The following TENM2 variants were observed in gnomAD, a reference collection of about 807,000 sequenced individuals.
The protein encoded by TENM2 is teneurin-2.
In TENM2, 52 loss-of-function variants were observed where a neutral mutation model predicts 245.2. The observed-to-expected ratio is 0.21, with a 90% CI of 0.17 to 0.27. TENM2 has a LOEUF of 0.27. Ranked by LOEUF, TENM2 falls within the 10% of genes least tolerant of loss-of-function variation. The pLI, the probability that TENM2 is intolerant of heterozygous loss-of-function variation, is 1.00. For missense variants in TENM2, 3,046 were observed against 3,666.8 expected, an observed-to-expected ratio of 0.83 and a Z score of 4.37; for synonymous variants, 1,363 against 1,438.9, an observed-to-expected ratio of 0.95 and a Z score of 1.19.
At chr5:167,235,913 G>C in the TENM2 span, among the ~76,000 whole-genome samples, 1 of 152,182 alleles carries the variant, frequency 6.6e-6, no homozygotes, top group Non-Finnish European at 1.5e-5. Flanking sequence ...GAGCTCGGAA[G>C]AGATCAGATC....
the TENM2 span, among the ~76,000 whole-genome samples, chr5:167,070,138 G>A: frequency 3.4e-5 from 2 of 58,946 alleles, no homozygotes; most frequent in Admixed American, 1.3e-4. Flanking sequence ...TATTTTTTGA[G>A]ACAGAGTCTC....
At chr5:167,120,286 G>C in the TENM2 span, among the ~76,000 whole-genome samples, 1 of 152,068 alleles carries the variant, frequency 6.6e-6, no homozygotes, top group Non-Finnish European at 1.5e-5. Flanking sequence ...TGTGTATGGA[G>C]GAAAAATTAG....
At chr5:168,196,405 G>A in intron 15 of TENM2, among the ~76,000 whole-genome samples, 1 of 152,228 alleles carries the variant, frequency 6.6e-6, no homozygotes, top group East Asian at 1.9e-4. Context: ...GCAGATGTGT[G>A]CCTTGCAAAA....
intron 5 of TENM2, among the ~76,000 whole-genome samples, chr5:168,011,927 T>G (rs1785248739): frequency 6.6e-6 from 1 of 152,202 alleles, no homozygotes; most frequent in Admixed American, 6.5e-5. Flanking sequence ...TTTTCCTAAT[T>G]ATAATTAGAG....
the TENM2 span, among the ~76,000 whole-genome samples, chr5:167,064,955 A>G: frequency 6.6e-6 from 1 of 152,304 alleles, no homozygotes; most frequent in Non-Finnish European, 1.5e-5. Flanking sequence ...TTATTTTTTA[A>G]TACAATAATT....
chr5:167,493,607 G>T (rs1268689048), intron 2 of TENM2, among the ~76,000 whole-genome samples: 1 of 152,110 alleles, frequency 6.6e-6, no homozygotes, highest in Admixed American at 6.6e-5. Flanking sequence ...AACAGTGAAT[G>T]AATGAAAGTA....
chr5:167,334,274 T>A (rs1277452338), intron 1 of TENM2, among the ~76,000 whole-genome samples: 1 of 152,158 alleles, frequency 6.6e-6, no homozygotes, highest in Non-Finnish European at 1.5e-5. Context: ...CCCCATAATC[T>A]TAACCAAACT....
intron 1 of TENM2, among the ~76,000 whole-genome samples, chr5:167,330,963 C>A (rs1006298083): frequency 6.6e-6 from 1 of 151,936 alleles, no homozygotes; most frequent in African/African-American, 2.4e-5. Context: ...ATGGGCCAGG[C>A]GTGGTGGCTC....
intron 7 of TENM2, among the ~76,000 whole-genome samples, chr5:168,076,173 T>TTTTTATTTTATTTTA (rs202117061): frequency 2.3e-5 from 3 of 132,424 alleles, no homozygotes; most frequent in African/African-American, 8.6e-5. Flanking sequence ...GTTTGCTTTA[T>TTTTTATTTTATTTTA]TTTTATTTTA....
At chr5:167,781,547 T>C (rs927168355) in intron 2 of TENM2, among the ~76,000 whole-genome samples, 10 of 152,204 alleles carry the variant, frequency 6.6e-5, no homozygotes, top group African/African-American at 2.4e-4. Context: ...TCTAGCCCTA[T>C]AGCTGAGAGC....
intron 2 of TENM2, among the ~76,000 whole-genome samples, chr5:167,401,015 C>T (rs562487688): frequency 1.3e-5 from 2 of 152,112 alleles, no homozygotes; most frequent in South Asian, 4.2e-4. Context: ...TGCTTGAGCC[C>T]AGGAGGTTGA....
chr5:167,557,857 G>GA (rs1282983531), intron 2 of TENM2, among the ~76,000 whole-genome samples: 1 of 151,990 alleles, frequency 6.6e-6, no homozygotes, highest in East Asian at 1.9e-4. Flanking sequence ...TGCTGAGGTT[G>GA]AAAAAAATCT....
At chr5:167,761,480 T>A (rs974766899) in intron 2 of TENM2, among the ~76,000 whole-genome samples, 1 of 151,850 alleles carries the variant, frequency 6.6e-6, no homozygotes, top group Non-Finnish European at 1.5e-5. Context: ...TTTCTCCACA[T>A]GGAGAAATAT....
intron 25 of TENM2, among the ~76,000 whole-genome samples, chr5:168,237,555 A>G (rs1765617423): frequency 6.6e-6 from 1 of 152,068 alleles, no homozygotes; most frequent in African/African-American, 2.4e-5. Flanking sequence ...TGGTTTTGGT[A>G]TGGCAAAGCT....
At chr5:168,245,508 C>G (rs1015433868) in intron 26 of TENM2, among the ~76,000 whole-genome samples, 1 of 151,118 alleles carries the variant, frequency 6.6e-6, no homozygotes, top group Non-Finnish European at 1.5e-5. Context: ...CTACATGATT[C>G]CCTGTGTCTG....
chr5:167,564,270 T>C (rs1773764722), intron 2 of TENM2, among the ~76,000 whole-genome samples: 1 of 151,842 alleles, frequency 6.6e-6, no homozygotes, highest in South Asian at 2.1e-4. Flanking sequence ...CCAAACAGAG[T>C]GTGAAAGTAA....
At chr5:166,991,908 T>C in the TENM2 span, among the ~76,000 whole-genome samples, 3 of 152,190 alleles carry the variant, frequency 2.0e-5, no homozygotes, top group African/African-American at 7.2e-5. Context: ...CTTATTCATA[T>C]TCATAGTTGG....
At chr5:168,134,669 A>G (rs890322600) in intron 12 of TENM2, among the ~76,000 whole-genome samples, 3 of 152,182 alleles carry the variant, frequency 2.0e-5, no homozygotes, top group African/African-American at 7.2e-5. Flanking sequence ...CCTGGGCAAC[A>G]AGAGTGAAAC....
At chr5:167,296,725 C>T (rs767079661) in intron 1 of TENM2, among the ~76,000 whole-genome samples, 4 of 152,226 alleles carry the variant, frequency 2.6e-5, no homozygotes, top group Non-Finnish European at 4.4e-5. Flanking sequence ...TCCTAGTTTA[C>T]AGTGACATTT....
Sources: gnomAD v4.1 joint callset for allele counts (sites outside exome capture counted in the v4.1 genomes callset) on GRCh38, gnomAD v4.1.1 for gene constraint, MANE v1.5 for transcripts, NCBI Gene and HGNC (gene_info 2026-07-23, HGNC 2026-07-21) for gene names.